The following PFKFB3 variants were observed in gnomAD, a reference collection of about 807,000 sequenced individuals.
The protein encoded by PFKFB3 is 6-phosphofructo-2-kinase/fructose-2,6-bisphosphatase 3.
PFKFB3 carries 33 observed loss-of-function variants against 68.0 expected under a neutral mutation model. The ratio of observed to expected loss-of-function variants is 0.49; its 90% CI spans 0.37 to 0.65. The LOEUF (loss-of-function observed/expected upper bound fraction) is 0.65. Ranked by LOEUF, PFKFB3 falls within the 30% of genes least tolerant of loss-of-function variation. The probability of loss-of-function intolerance (pLI) is 0.00; values close to 1 mark genes in which losing one functional copy is unlikely to be tolerated. For synonymous variants in PFKFB3, 315 were observed against 288.2 expected, an observed-to-expected ratio of 1.09 and a Z score of -0.94; for missense variants, 586 against 712.2, an observed-to-expected ratio of 0.82 and a Z score of 2.02.
At position 6,233,313 on chromosome 10, in the gene PFKFB3, A is replaced by T. The variant is rs941618391; in HGVS notation, c.*371A>T. 5 of 197,152 alleles carry T rather than the reference A, an allele frequency of 2.5e-5. No homozygotes were observed. The Admixed American group carries it at 3.0e-4, about 12-fold the overall frequency. 12.2% of individuals were successfully genotyped at this position (197,152 alleles called of 1,614,324 possible). ...TGTTTCGTTTCTGTGATCTCCCGGC[A>T]CGTTTGGAGCTGGGAAGACCACACT... On this transcript the variant is annotated 3_prime_UTR_variant, in exon 15 of 15. Coordinates refer to ENST00000379775, the MANE Select transcript of PFKFB3 (RefSeq NM_004566.4).
rs1842551985 is a variant in PFKFB3 at position 6,177,468 on chromosome 10, C to CTTTCTT, written c.16+32457_16+32462dup. ...TCTTTCTTTCTTTCTTTCTTTCTTTCTTTCTTTCTTTCTTTCTTTTTCTTT... is the reference window on the plus strand; with the variant it reads ...TCTTTCTTTCTTTCTTTCTTTCTTTCTTTCTTTTTCTTTCTTTCTTTCTTTTTCTTT... On this transcript the variant is annotated intron_variant, in intron 1 of 14. Transcript: ENST00000379789. Among the ~76,000 whole-genome samples, 6 of 120,738 alleles carry CTTTCTT rather than the reference C, an allele frequency of 5.0e-5. No individual in the cohort carries two copies. In the South Asian group the frequency reaches 1.3e-3, roughly 26 times the overall value. 79.2% of individuals were successfully genotyped at this position (120,738 alleles called of 152,430 possible).
At chr10:6,190,281 G>A (rs765051054) in intron 1 of PFKFB3, among the ~76,000 whole-genome samples, 2 of 152,168 alleles carry the variant, frequency 1.3e-5, no homozygotes, top group East Asian at 1.9e-4. Flanking sequence ...CCACCCACTC[G>A]GTGATTCTTG....
At chr10:6,271,360 C>T in the PFKFB3 span, among the ~76,000 whole-genome samples, 6 of 152,206 alleles carry the variant, frequency 3.9e-5, no homozygotes, top group African/African-American at 1.4e-4. Flanking sequence ...TTCCTTTAGC[C>T]ACTGAAGGAC....
chr10:6,255,443 G>T (rs1019322426), downstream of PFKFB3, among the ~76,000 whole-genome samples: 1 of 152,174 alleles, frequency 6.6e-6, no homozygotes, highest in African/African-American at 2.4e-5. Context: ...TTTCTTTCTA[G>T]TCCCCATGTA....
intron 14 of PFKFB3, chr10:6,231,412 T>C: frequency 1.3e-6 from 2 of 1,578,664 alleles, no homozygotes; most frequent in South Asian, 1.1e-5. Context: ...CTCATCTGTC[T>C]CCATGCCGAG....
chr10:6,290,624 G>A, the PFKFB3 span, among the ~76,000 whole-genome samples: 1 of 151,222 alleles, frequency 6.6e-6, no homozygotes, highest in Admixed American at 6.6e-5. Flanking sequence ...TCAGCCTCCT[G>A]AGTAGCTGGG....
chr10:6,321,208 C>T, the PFKFB3 span, among the ~76,000 whole-genome samples: 1 of 152,146 alleles, frequency 6.6e-6, no homozygotes, highest in Non-Finnish European at 1.5e-5. Context: ...GTCCTCTCTC[C>T]TCCCAACTGC....
At chr10:6,181,138 C>T (rs1208260218) in intron 1 of PFKFB3, among the ~76,000 whole-genome samples, 1 of 152,164 alleles carries the variant, frequency 6.6e-6, no homozygotes, top group Non-Finnish European at 1.5e-5. Context: ...CCTCAGCCTC[C>T]CAAGCAGCCA....
At chr10:6,326,371 G>A in the PFKFB3 span, among the ~76,000 whole-genome samples, 1 of 152,152 alleles carries the variant, frequency 6.6e-6, no homozygotes, top group African/African-American at 2.4e-5. Context: ...GTTGATAGGA[G>A]CAGCAAACCA....
At position 6,233,823 on chromosome 10, in the gene PFKFB3, T is replaced by G. The variant is rs1780450336; in HGVS notation, c.*881T>G. The G allele has an allele frequency of 6.5e-6, 1 of 152,898 alleles. No individual in the cohort carries two copies. Among genetic ancestry groups the G allele is most frequent in the Admixed American group, 6.5e-5 (1 of 15,292 alleles). 9.5% of individuals were successfully genotyped at this position (152,898 alleles called of 1,614,324 possible). Reference sequence around the variant, plus strand: ...CAGGAACGTAGATGTTGGGGTGTCTTGCCCTGGGGGGCTTGGAACCTCTGA... The same window carrying G: ...CAGGAACGTAGATGTTGGGGTGTCTGGCCCTGGGGGGCTTGGAACCTCTGA... On this transcript the variant is annotated 3_prime_UTR_variant, in exon 15 of 15. Coordinates refer to ENST00000379775, the MANE Select transcript of PFKFB3 (RefSeq NM_004566.4).
intron 14 of PFKFB3, among the ~76,000 whole-genome samples, chr10:6,247,622 G>A (rs1588567427): frequency 6.6e-6 from 1 of 152,234 alleles, no homozygotes; most frequent in East Asian, 1.9e-4. Flanking sequence ...TTATCCTCCA[G>A]ACCCCTCCTA....
the PFKFB3 span, among the ~76,000 whole-genome samples, chr10:6,318,318 G>C: frequency 1.3e-5 from 2 of 152,174 alleles, no homozygotes; most frequent in African/African-American, 4.8e-5. Context: ...CCATCGGAGT[G>C]GGGAGATTGG....
the PFKFB3 span, among the ~76,000 whole-genome samples, chr10:6,280,383 G>T: frequency 1.3e-5 from 2 of 152,242 alleles, no homozygotes; most frequent in African/African-American, 4.8e-5. Flanking sequence ...CATGGCCCCA[G>T]CCTGTGGAAG....
intron 14 of PFKFB3, among the ~76,000 whole-genome samples, chr10:6,227,627 C>T (rs189866024): frequency 1.6e-4 from 24 of 152,266 alleles, no homozygotes; most frequent in East Asian, 3.9e-4. Context: ...GTGGTGGGGA[C>T]GCGTAGACAC....
At chr10:6,289,751 G>A in the PFKFB3 span, among the ~76,000 whole-genome samples, 1 of 152,098 alleles carries the variant, frequency 6.6e-6, no homozygotes, top group Admixed American at 6.5e-5. Context: ...AAAGTCATTG[G>A]TAGCTTGATG....
chr10:6,224,821 G>A (rs1248325437), intron 13 of PFKFB3, among the ~76,000 whole-genome samples: 1 of 152,116 alleles, frequency 6.6e-6, no homozygotes, highest in Non-Finnish European at 1.5e-5. Flanking sequence ...CACAGTTCTT[G>A]TTGCCTTTCC....
At chr10:6,270,897 C>T in the PFKFB3 span, among the ~76,000 whole-genome samples, 1 of 152,258 alleles carries the variant, frequency 6.6e-6, no homozygotes, top group Non-Finnish European at 1.5e-5. Flanking sequence ...TAGCCCCCTG[C>T]CTGGGATAGT....
the PFKFB3 span, among the ~76,000 whole-genome samples, chr10:6,313,025 T>TG: frequency 6.6e-6 from 1 of 152,230 alleles, no homozygotes; most frequent in Non-Finnish European, 1.5e-5. The surrounding 1 kb of genome is among the most constrained non-coding windows in gnomAD (Gnocchi z 4.2). Context: ...CTGTATGAAC[T>TG]GGGGGGTAGA....
chr10:6,204,736 G>T (rs1321748641), intron 1 of PFKFB3, among the ~76,000 whole-genome samples: 1 of 152,268 alleles, frequency 6.6e-6, no homozygotes, highest in Non-Finnish European at 1.5e-5. Context: ...AAGTGGAGTG[G>T]AATGCAGCTC....
Sources: allele counts gnomAD v4.1 joint callset (sites outside exome capture counted in the v4.1 genomes callset), GRCh38; gene constraint gnomAD v4.1.1; non-coding constraint Gnocchi (gnomAD v3.1); transcripts MANE v1.5; gene names NCBI Gene and HGNC (gene_info 2026-07-23, HGNC 2026-07-21).